WWOX: variants seen among roughly 807,000 people sequenced by gnomAD.
WWOX encodes WW domain-containing oxidoreductase.
WWOX carries 69 observed loss-of-function variants against 46.2 expected under a neutral mutation model. The observed-to-expected ratio is 1.49, with a 90% confidence interval of 1.23 to 1.82. WWOX has a LOEUF of 1.82. Among genes scored for constraint, WWOX ranks in the 40% most tolerant of loss-of-function variants. WWOX has a pLI of 0.00. For missense variants in WWOX, 919 were observed against 542.6 expected (o/e 1.69, Z -6.89); for synonymous variants, 359 against 202.6 (o/e 1.77, Z -6.56).
intron 8 of WWOX, among the ~76,000 whole-genome samples, chr16:79,109,292 C>T (rs1390819455): frequency 6.6e-6 from 1 of 152,208 alleles, no homozygotes; most frequent in Non-Finnish European, 1.5e-5. Flanking sequence ...AGATCCTTGT[C>T]TCCCAGACCC....
At chr16:79,054,303 A>C (rs547379885) in intron 8 of WWOX, among the ~76,000 whole-genome samples, 1 of 152,266 alleles carries the variant, frequency 6.6e-6, no homozygotes, top group African/African-American at 2.4e-5. Flanking sequence ...AGGCCCGCAA[A>C]ACATATCCCC....
At chr16:78,585,039 G>T (rs763895151) in intron 8 of WWOX, among the ~76,000 whole-genome samples, 1 of 152,146 alleles carries the variant, frequency 6.6e-6, no homozygotes, top group African/African-American at 2.4e-5. Flanking sequence ...TTCAGCTGAG[G>T]CCTCCACCCC....
intron 8 of WWOX, among the ~76,000 whole-genome samples, chr16:78,590,296 G>C (rs1160586225): frequency 6.6e-6 from 1 of 152,150 alleles, no homozygotes; most frequent in African/African-American, 2.4e-5. Flanking sequence ...CCTTCAAAAA[G>C]GCACCACGTT....
At chr16:79,207,215 G>T (rs547275454) in intron 8 of WWOX, among the ~76,000 whole-genome samples, 1 of 152,308 alleles carries the variant, frequency 6.6e-6, no homozygotes, top group South Asian at 2.1e-4. Context: ...GTTCCTAGTG[G>T]TGTATTCACA....
At chr16:78,277,616 A>T (rs2079603303) in intron 5 of WWOX, among the ~76,000 whole-genome samples, 1 of 152,164 alleles carries the variant, frequency 6.6e-6, no homozygotes, top group Non-Finnish European at 1.5e-5. Flanking sequence ...AGAAGGAAGC[A>T]TATGTTGCAT....
At chr16:79,065,218 T>A (rs553231124) in intron 8 of WWOX, among the ~76,000 whole-genome samples, 1 of 152,330 alleles carries the variant, frequency 6.6e-6, no homozygotes, top group African/African-American at 2.4e-5. Flanking sequence ...TGGGTTCTTC[T>A]TGCCTGCTGC....
At chr16:78,159,387 C>T (rs748238252) in intron 4 of WWOX, among the ~76,000 whole-genome samples, 1 of 151,992 alleles carries the variant, frequency 6.6e-6, no homozygotes, top group South Asian at 2.1e-4. Flanking sequence ...TGAGGAACCT[C>T]CATACTGTTT....
At chr16:79,108,517 C>T (rs939565751) in intron 8 of WWOX, among the ~76,000 whole-genome samples, 3 of 152,248 alleles carry the variant, frequency 2.0e-5, no homozygotes, top group African/African-American at 7.2e-5. Flanking sequence ...CTGTGCAGTC[C>T]TGGATGAACC....
intron 5 of WWOX, among the ~76,000 whole-genome samples, chr16:78,169,318 T>C (rs954199763): frequency 6.6e-6 from 1 of 152,174 alleles, no homozygotes; most frequent in African/African-American, 2.4e-5. Flanking sequence ...CCATGTGAGT[T>C]CTCTAAGTCT....
At chr16:78,983,222 C>G (rs565569336) in intron 8 of WWOX, among the ~76,000 whole-genome samples, 4 of 152,242 alleles carry the variant, frequency 2.6e-5, no homozygotes, top group South Asian at 4.2e-4. Context: ...CACGGACACT[C>G]AAATTGTTTA....
At chr16:78,509,455 TATAATA>T (rs745943074) in intron 8 of WWOX, among the ~76,000 whole-genome samples, 4 of 149,988 alleles carry the variant, frequency 2.7e-5, no homozygotes, top group South Asian at 2.1e-4. Context: ...AAAAAAATAA[TATAATA>T]ATAATAATAA....
intron 8 of WWOX, among the ~76,000 whole-genome samples, chr16:78,556,803 C>A (rs1329635753): frequency 6.6e-6 from 1 of 151,958 alleles, no homozygotes; most frequent in African/African-American, 2.4e-5. Flanking sequence ...GCAAACTACC[C>A]CCGCCCCCGG....
intron 8 of WWOX, among the ~76,000 whole-genome samples, chr16:78,606,099 A>G (rs549573305): frequency 3.9e-5 from 6 of 152,338 alleles, no homozygotes; most frequent in Admixed American, 3.9e-4. Flanking sequence ...TACGCTTAAC[A>G]TTTATGGCTA....
chr16:78,991,775 C>G (rs185242079), intron 8 of WWOX, among the ~76,000 whole-genome samples: 24 of 152,150 alleles, frequency 1.6e-4, no homozygotes, highest in African/African-American at 5.8e-4. Flanking sequence ...TAACACATTT[C>G]CGTGTTCCCA....
At chr16:78,833,228 G>C (rs1317001362) in intron 8 of WWOX, among the ~76,000 whole-genome samples, 1 of 152,024 alleles carries the variant, frequency 6.6e-6, no homozygotes. Context: ...TTTTTTTGTA[G>C]AGATGGGGCT....
At chr16:78,890,840 A>G in intron 8 of WWOX, 1 of 152,236 alleles carries the variant, frequency 6.6e-6, no homozygotes, top group East Asian at 1.9e-4. Flanking sequence ...AATATTTAGT[A>G]AAATGCGTTC....
intron 5 of WWOX, among the ~76,000 whole-genome samples, chr16:78,266,383 A>G (rs1567467754): frequency 6.6e-6 from 1 of 152,216 alleles, no homozygotes; most frequent in African/African-American, 2.4e-5. Context: ...GCACTATGCC[A>G]GCAAAGTTGA....
intron 8 of WWOX, among the ~76,000 whole-genome samples, chr16:78,766,378 T>C (rs1484501744): frequency 6.6e-6 from 1 of 152,178 alleles, no homozygotes; most frequent in Non-Finnish European, 1.5e-5. Context: ...GAGAATTGCT[T>C]GAGGCTATGG....
chr16:78,777,656 A>C (rs2050224594), intron 8 of WWOX, among the ~76,000 whole-genome samples: 1 of 152,096 alleles, frequency 6.6e-6, no homozygotes, highest in African/African-American at 2.4e-5. Context: ...CTCAGGGCAG[A>C]CTCCCCAGCA....
Sources: gnomAD v4.1 joint callset for allele counts (sites outside exome capture counted in the v4.1 genomes callset) on GRCh38, gnomAD v4.1.1 for gene constraint, MANE v1.5 for transcripts, NCBI Gene and HGNC (gene_info 2026-07-23, HGNC 2026-07-21) for gene names.